EPHB1: variants seen among roughly 807,000 people sequenced by gnomAD.
The protein encoded by EPHB1 is EPH receptor B1.
A neutral mutation model predicts 94.4 loss-of-function variants in EPHB1; 30 were observed. That is an observed-to-expected ratio of 0.32 (90% CI 0.24 to 0.43). The LOEUF (loss-of-function observed/expected upper bound fraction) is 0.43. EPHB1 is among the 20% of genes least tolerant of loss of function. EPHB1 has a pLI of 1.00. For synonymous variants in EPHB1, 522 were observed against 489.1 expected (o/e 1.07, Z -0.89); for missense variants, 1,055 against 1,308.3 (o/e 0.81, Z 2.99).
intron 3 of EPHB1, among the ~76,000 whole-genome samples, chr3:134,989,863 C>T (rs1037831996): frequency 7.9e-5 from 12 of 152,148 alleles, no homozygotes; most frequent in Non-Finnish European, 1.6e-4. Context: ...AAAAGTCACA[C>T]TTCGATTTTA....
intron 1 of EPHB1, among the ~76,000 whole-genome samples, chr3:134,850,630 G>A (rs2036960804): frequency 6.6e-6 from 1 of 152,220 alleles, no homozygotes. Context: ...GGCTATGGGT[G>A]AGTCTGGGGG....
At chr3:134,841,890 G>T (rs1013695793) in intron 1 of EPHB1, among the ~76,000 whole-genome samples, 1 of 152,146 alleles carries the variant, frequency 6.6e-6, no homozygotes, top group African/African-American at 2.4e-5. Context: ...ATTCCCCTTT[G>T]TTTTTTCCTG....
intron 1 of EPHB1, among the ~76,000 whole-genome samples, chr3:134,863,076 T>C (rs1322769216): frequency 2.6e-5 from 4 of 152,208 alleles, no homozygotes; most frequent in Admixed American, 6.5e-5. Flanking sequence ...CCACCTGGGT[T>C]CTCCTACCTG....
chr3:134,861,071 C>G (rs753456207), intron 1 of EPHB1, among the ~76,000 whole-genome samples: 3 of 152,120 alleles, frequency 2.0e-5, no homozygotes, highest in Non-Finnish European at 2.9e-5. Context: ...CAGGAGGAAA[C>G]TGGTGAACTG....
intron 3 of EPHB1, among the ~76,000 whole-genome samples, chr3:134,988,267 A>T (rs1576297495): frequency 6.6e-6 from 1 of 152,252 alleles, no homozygotes; most frequent in Admixed American, 6.5e-5. Flanking sequence ...AGGAAAGACT[A>T]GAAAGTCCTG....
intron 12 of EPHB1, among the ~76,000 whole-genome samples, chr3:135,218,176 A>C (rs1943198036): frequency 1.3e-5 from 2 of 152,102 alleles, no homozygotes; most frequent in Admixed American, 1.3e-4. Flanking sequence ...GAGACCCTTT[A>C]ATTGAAGCCA....
intron 3 of EPHB1, among the ~76,000 whole-genome samples, chr3:135,061,497 GAAT>G (rs1275589518): frequency 6.6e-6 from 1 of 151,732 alleles, no homozygotes; most frequent in African/African-American, 2.4e-5. Flanking sequence ...ACTTCGCGTA[GAAT>G]AATAGTCTCC....
At chr3:134,921,835 C>A (rs1306278920) in intron 1 of EPHB1, among the ~76,000 whole-genome samples, 2 of 152,188 alleles carry the variant, frequency 1.3e-5, no homozygotes, top group Non-Finnish European at 2.9e-5. Flanking sequence ...TAGCTCTAGG[C>A]CCATCCTGCA....
intron 1 of EPHB1, among the ~76,000 whole-genome samples, chr3:134,851,402 T>G (rs2036981590): frequency 6.6e-6 from 1 of 151,804 alleles, no homozygotes; most frequent in Admixed American, 6.6e-5. Context: ...CACTTCCCCC[T>G]CTGCTTTGTC....
At chr3:135,001,368 T>G (rs1167360288) in intron 3 of EPHB1, among the ~76,000 whole-genome samples, 1 of 152,198 alleles carries the variant, frequency 6.6e-6, no homozygotes, top group Admixed American at 6.5e-5. Flanking sequence ...GTCCAGGGCT[T>G]GCAGGGATAA....
At chr3:134,922,575 G>T (rs935024321) in intron 1 of EPHB1, among the ~76,000 whole-genome samples, 7 of 152,192 alleles carry the variant, frequency 4.6e-5, no homozygotes, top group Admixed American at 3.9e-4. Flanking sequence ...ATGAGTCCTT[G>T]GACGACAAAG....
intron 3 of EPHB1, among the ~76,000 whole-genome samples, chr3:134,962,554 A>G (rs1933560044): frequency 6.6e-6 from 1 of 152,114 alleles, no homozygotes; most frequent in African/African-American, 2.4e-5. Context: ...AGGAAGGCCG[A>G]ATCTGCCTGG....
At chr3:134,958,645 T>G (rs1026079) in intron 3 of EPHB1, among the ~76,000 whole-genome samples, 1 of 152,102 alleles carries the variant, frequency 6.6e-6, no homozygotes, top group African/African-American at 2.4e-5. Context: ...ATGAGCTTCA[T>G]AATAGGATTT....
intron 9 of EPHB1, among the ~76,000 whole-genome samples, chr3:135,169,071 G>A (rs530119758): frequency 2.0e-5 from 3 of 152,242 alleles, no homozygotes; most frequent in East Asian, 3.9e-4. Context: ...TCGAGGAGTA[G>A]CTATGCCAGG....
chr3:135,020,383 T>C (rs1935949508), intron 3 of EPHB1, among the ~76,000 whole-genome samples: 1 of 152,210 alleles, frequency 6.6e-6, no homozygotes, highest in African/African-American at 2.4e-5. Context: ...CAGTTTCATC[T>C]TCCCAAAAAG....
chr3:134,864,236 T>A (rs2037325254), intron 1 of EPHB1, among the ~76,000 whole-genome samples: 2 of 152,164 alleles, frequency 1.3e-5, no homozygotes, highest in South Asian at 4.1e-4. Flanking sequence ...TCATCCCGTT[T>A]TATGGGTTCT....
chr3:135,100,068 T>C (rs1276964244), intron 3 of EPHB1, among the ~76,000 whole-genome samples: 1 of 152,110 alleles, frequency 6.6e-6, no homozygotes, highest in African/African-American at 2.4e-5. Context: ...CAAACTCATT[T>C]GGGGAAAAAA....
intron 1 of EPHB1, among the ~76,000 whole-genome samples, chr3:134,869,180 A>G (rs552760217): frequency 6.6e-6 from 1 of 152,362 alleles, no homozygotes; most frequent in African/African-American, 2.4e-5. Flanking sequence ...TCTAGGAAGC[A>G]AAACTGGAAG....
intron 12 of EPHB1, among the ~76,000 whole-genome samples, chr3:135,203,926 AG>A (rs1942826671): frequency 2.0e-5 from 3 of 152,206 alleles, no homozygotes; most frequent in East Asian, 3.8e-4. Flanking sequence ...ACCCTCACAA[AG>A]GGTTGCTGCT....
Sources: allele counts gnomAD v4.1 joint callset (sites outside exome capture counted in the v4.1 genomes callset), GRCh38; gene constraint gnomAD v4.1.1; transcripts MANE v1.5; gene names NCBI Gene and HGNC (gene_info 2026-07-23, HGNC 2026-07-21).